Variants in PXDNL observed in about 807,000 individuals in gnomAD.
PXDNL encodes the protein probable oxidoreductase PXDNL.
A neutral mutation model predicts 150.8 loss-of-function variants in PXDNL; 145 were observed. The observed-to-expected ratio is 0.96, with a 90% CI of 0.84 to 1.10. PXDNL has a LOEUF of 1.10. Ranked by LOEUF, PXDNL falls within the 50% of genes least tolerant of loss-of-function variation. The pLI, the probability that PXDNL is intolerant of heterozygous loss-of-function variation, is 0.00. For synonymous variants in PXDNL, 757 were observed against 725.7 expected (o/e 1.04, Z -0.69); for missense variants, 2,087 against 1,873.9 (o/e 1.11, Z -2.10).
chr8:51,702,209 T>C (rs1816271528), intron 1 of PXDNL, among the ~76,000 whole-genome samples: 1 of 152,206 alleles, frequency 6.6e-6, no homozygotes. Flanking sequence ...TCTTCTATAG[T>C]AAGCTGGATG....
chr8:51,770,613 G>A (rs1263685565), intron 1 of PXDNL, among the ~76,000 whole-genome samples: 1 of 152,168 alleles, frequency 6.6e-6, no homozygotes, highest in Non-Finnish European at 1.5e-5. Context: ...AGAATGCACA[G>A]GCCTTCGGCA....
chr8:51,641,751 C>G (rs1237387027), intron 2 of PXDNL, among the ~76,000 whole-genome samples: 36 of 151,794 alleles, frequency 2.4e-4, no homozygotes, highest in African/African-American at 8.5e-4. Flanking sequence ...CTTTTACACT[C>G]TTGGTGGGAC....
intron 1 of PXDNL, among the ~76,000 whole-genome samples, chr8:51,719,650 A>C (rs1816688694): frequency 6.6e-6 from 1 of 152,072 alleles, no homozygotes; most frequent in South Asian, 2.1e-4. Flanking sequence ...AAAAAAAAAA[A>C]AAAAACTATT....
intron 1 of PXDNL, among the ~76,000 whole-genome samples, chr8:51,795,223 T>C (rs939871824): frequency 1.3e-5 from 2 of 152,164 alleles, no homozygotes; most frequent in African/African-American, 4.8e-5. Context: ...ACTGTCAATA[T>C]TAGACAGATC....
At chr8:51,652,190 T>C (rs1288453201) in intron 2 of PXDNL, among the ~76,000 whole-genome samples, 1 of 152,168 alleles carries the variant, frequency 6.6e-6, no homozygotes, top group African/African-American at 2.4e-5. Flanking sequence ...AAGAGCCATA[T>C]GGTCAAAATT....
intron 2 of PXDNL, among the ~76,000 whole-genome samples, chr8:51,633,282 T>C (rs1041537726): frequency 6.6e-6 from 1 of 152,222 alleles, no homozygotes; most frequent in African/African-American, 2.4e-5. Context: ...TACCACATTT[T>C]CTGTATCCAA....
chr8:51,535,424 C>A (rs1585559097), intron 4 of PXDNL, among the ~76,000 whole-genome samples: 2 of 103,552 alleles, frequency 1.9e-5, no homozygotes, highest in South Asian at 7.4e-4. Context: ...TTATCCCCAA[C>A]CCTGTGCTCT....
chr8:51,424,621 T>G (rs1246262255), intron 13 of PXDNL, among the ~76,000 whole-genome samples: 1 of 152,162 alleles, frequency 6.6e-6, no homozygotes, highest in Non-Finnish European at 1.5e-5. Context: ...TTAATTAATA[T>G]AGACTTACAT....
intron 1 of PXDNL, among the ~76,000 whole-genome samples, chr8:51,708,006 A>G (rs1370337776): frequency 1.3e-5 from 2 of 152,350 alleles, no homozygotes; most frequent in East Asian, 3.9e-4. Flanking sequence ...AGGTCAATAA[A>G]TAAATTGCAT....
At chr8:51,648,689 T>C (rs147468374) in intron 2 of PXDNL, among the ~76,000 whole-genome samples, 23 of 152,332 alleles carry the variant, frequency 1.5e-4, no homozygotes, top group African/African-American at 5.3e-4. Context: ...ATTTTACATG[T>C]ATTATTTTGT....
chr8:51,403,522 G>A (rs1390775644), intron 17 of PXDNL, among the ~76,000 whole-genome samples: 1 of 152,290 alleles, frequency 6.6e-6, no homozygotes, highest in Non-Finnish European at 1.5e-5. Context: ...AGATGAGTCC[G>A]ATGCTAATTC....
rs1364852526 is a variant in PXDNL at position 51,782,636 on chromosome 8, C to T, written c.164+26545G>A. ...CTTAATCTCTTCTCATATGTATTGA[C>T]TTACACTGAATAATCTGTCTAGCAT... On this transcript the variant is annotated intron_variant, in intron 1 of 22. Coordinates refer to ENST00000356297, the MANE Select transcript of PXDNL (RefSeq NM_144651.5). Among the ~76,000 whole-genome samples, 3 of 152,202 alleles carry T rather than the reference C, an allele frequency of 2.0e-5. No individual in the cohort carries two copies. In the East Asian group the frequency reaches 5.8e-4, roughly 29 times the overall value.
At chr8:51,623,342 T>C (rs1814294705) in intron 2 of PXDNL, among the ~76,000 whole-genome samples, 2 of 152,176 alleles carry the variant, frequency 1.3e-5, no homozygotes, top group African/African-American at 4.8e-5. Context: ...CAGTGGGTAA[T>C]AGTAGTACCA....
At chr8:51,621,057 A>G (rs1814240497) in intron 2 of PXDNL, among the ~76,000 whole-genome samples, 1 of 152,218 alleles carries the variant, frequency 6.6e-6, no homozygotes, top group Admixed American at 6.5e-5. Flanking sequence ...ATATACTATG[A>G]AATAAAGATG....
chr8:51,415,031 T>G (rs971829246), intron 14 of PXDNL, among the ~76,000 whole-genome samples: 8 of 152,156 alleles, frequency 5.3e-5, no homozygotes, highest in African/African-American at 4.8e-5. Flanking sequence ...ACACCTATTT[T>G]GGGGATTGTA....
At chr8:51,663,997 G>A (rs1043230560) in intron 1 of PXDNL, among the ~76,000 whole-genome samples, 21 of 150,724 alleles carry the variant, frequency 1.4e-4, no homozygotes, top group Non-Finnish European at 2.5e-4. Context: ...GTTGCAGTGA[G>A]TGGAGACTGC....
At chr8:51,584,677 CA>C (rs1239167069) in intron 3 of PXDNL, among the ~76,000 whole-genome samples, 1 of 152,082 alleles carries the variant, frequency 6.6e-6, no homozygotes, top group African/African-American at 2.4e-5. Flanking sequence ...TATCAAATGC[CA>C]CATACCAGGA....
chr8:51,371,778 C>T, intron 19 of PXDNL, 95 bp downstream of exon 19: 2 of 1,144,918 alleles, frequency 1.7e-6, no homozygotes, highest in Admixed American at 2.1e-5. Context: ...TTTTGCGTAT[C>T]TTTCTTTAAA....
intron 3 of PXDNL, among the ~76,000 whole-genome samples, chr8:51,590,085 T>C (rs528887143): frequency 3.9e-5 from 6 of 152,144 alleles, no homozygotes; most frequent in South Asian, 4.2e-4. Flanking sequence ...CAGAGCCACA[T>C]TGGGTCTCTG....
Sources: allele counts gnomAD v4.1 joint callset (sites outside exome capture counted in the v4.1 genomes callset), GRCh38; gene constraint gnomAD v4.1.1; transcripts MANE v1.5; gene names NCBI Gene and HGNC (gene_info 2026-07-23, HGNC 2026-07-21).